Variants in CCDC3 observed in about 807,000 individuals in gnomAD.
CCDC3 encodes coiled-coil domain containing 3, also known as coiled-coil domain-containing protein 3.
In CCDC3, 24 loss-of-function variants were observed where a neutral mutation model predicts 21.4. The ratio of observed to expected loss-of-function variants is 1.12; its 90% CI spans 0.81 to 1.58. CCDC3 has a LOEUF of 1.58. CCDC3 is among the 40% of genes most tolerant of loss of function. CCDC3 has a pLI of 0.00. For synonymous variants in CCDC3, 186 were observed against 166.0 expected (o/e 1.12, Z -0.93); for missense variants, 425 against 360.9 (o/e 1.18, Z -1.44).
intron 2 of CCDC3, among the ~76,000 whole-genome samples, chr10:12,984,187 A>G (rs1355142786): frequency 6.6e-6 from 1 of 152,248 alleles, no homozygotes; most frequent in African/African-American, 2.4e-5. Context: ...CATAATAAAC[A>G]AGGAACTATT....
intron 2 of CCDC3, among the ~76,000 whole-genome samples, chr10:12,963,344 T>A (rs1361763891): frequency 6.6e-6 from 1 of 152,160 alleles, no homozygotes; most frequent in South Asian, 2.1e-4. Context: ...TTCACAATGA[T>A]CCTTTTCACT....
intron 2 of CCDC3, among the ~76,000 whole-genome samples, chr10:12,960,416 G>A (rs1355483147): frequency 6.6e-6 from 1 of 152,050 alleles, no homozygotes; most frequent in African/African-American, 2.4e-5. Context: ...GAGTCCTGGT[G>A]CCCCTGAGGA....
intron 2 of CCDC3, among the ~76,000 whole-genome samples, chr10:12,953,616 T>C (rs945469226): frequency 6.6e-6 from 1 of 152,208 alleles, no homozygotes; most frequent in African/African-American, 2.4e-5. Context: ...TTCTCTGCTG[T>C]GAGTCTTACT....
At chr10:12,947,551 C>T (rs923176969) in intron 2 of CCDC3, among the ~76,000 whole-genome samples, 5 of 152,272 alleles carry the variant, frequency 3.3e-5, no homozygotes, top group South Asian at 2.1e-4. Context: ...GTGACTTTGT[C>T]ACCTCAGCTA....
At chr10:13,079,435 G>A (rs1837006119) in intron 3 of CCDC3, among the ~76,000 whole-genome samples, 1 of 97,866 alleles carries the variant, frequency 1.0e-5, no homozygotes, top group Non-Finnish European at 2.2e-5. Context: ...GGGAACACTG[G>A]AGGAGCCAGT....
At position 13,013,681 on chromosome 10, in the gene CCDC3, A is replaced by G. The variant is rs533761623; in HGVS notation, c.-1-15169T>C. ...TGATAAAACATACCGAGAACACAGC[A>G]TCACCTTGTGATACTCCTGCCAATG... On this transcript the variant is annotated intron_variant, in intron 5 of 6. Transcript: ENST00000378839. Among the ~76,000 whole-genome samples, 204 of 152,354 alleles carry G rather than the reference A, an allele frequency of 1.3e-3. 1 individual carries two copies. Among genetic ancestry groups the G allele is most frequent in the African/African-American group, 4.7e-3 (197 of 41,580 alleles).
chr10:13,043,101 C>T (rs78340982), intron 5 of CCDC3, among the ~76,000 whole-genome samples: 2,407 of 151,882 alleles, frequency 0.016, 52 homozygotes, highest in African/African-American at 0.054. Context: ...TTAGGGGGTA[C>T]ATGTCAGGTT....
At chr10:13,038,230 G>C (rs890204041) in intron 5 of CCDC3, among the ~76,000 whole-genome samples, 1 of 152,102 alleles carries the variant, frequency 6.6e-6, no homozygotes, top group African/African-American at 2.4e-5. Flanking sequence ...TGAGGAGGGA[G>C]AGCATCAGGA....
intron 4 of CCDC3, among the ~76,000 whole-genome samples, chr10:13,055,049 A>C (rs1836663229): frequency 6.6e-6 from 1 of 152,208 alleles, no homozygotes; most frequent in African/African-American, 2.4e-5. Flanking sequence ...GATTGTGGTT[A>C]TGCAGGCAGC....
At chr10:13,001,950 G>GGTCC (rs1321315931), upstream of CCDC3, among the ~76,000 whole-genome samples, 1 of 152,202 alleles carries the variant, frequency 6.6e-6, no homozygotes, top group East Asian at 1.9e-4. Context: ...CGATGGACGT[G>GGTCC]GTCCGAGCTT....
chr10:12,933,825 A>G (rs900453764), intron 2 of CCDC3, among the ~76,000 whole-genome samples: 4 of 152,078 alleles, frequency 2.6e-5, no homozygotes, highest in African/African-American at 7.2e-5. Context: ...TTCATATTTG[A>G]TAGTAAATAA....
chr10:13,048,959 C>T (rs570961654), intron 5 of CCDC3, among the ~76,000 whole-genome samples: 24 of 152,176 alleles, frequency 1.6e-4, no homozygotes, highest in Admixed American at 1.2e-3. Flanking sequence ...GAGTTGGCTA[C>T]ATAGTCATGA....
intron 4 of CCDC3, among the ~76,000 whole-genome samples, chr10:13,072,483 C>G (rs1836895616): frequency 6.6e-6 from 1 of 152,176 alleles, no homozygotes; most frequent in Non-Finnish European, 1.5e-5. Flanking sequence ...GTGTTTACAT[C>G]AGATGCTTCT....
At chr10:12,995,552 T>C (rs368008000) in intron 2 of CCDC3, among the ~76,000 whole-genome samples, 8 of 152,218 alleles carry the variant, frequency 5.3e-5, no homozygotes, top group African/African-American at 1.9e-4. Flanking sequence ...CACAATGGGC[T>C]AATTTTATGT....
At chr10:12,982,500 A>T (rs1035923294) in intron 2 of CCDC3, among the ~76,000 whole-genome samples, 5 of 149,532 alleles carry the variant, frequency 3.3e-5, no homozygotes, top group Non-Finnish European at 7.4e-5. Flanking sequence ...TACCATAATT[A>T]AAAAAAAAAT....
At chr10:12,933,236 T>G (rs1209037520) in intron 2 of CCDC3, among the ~76,000 whole-genome samples, 2 of 152,196 alleles carry the variant, frequency 1.3e-5, no homozygotes, top group African/African-American at 4.8e-5. Flanking sequence ...ACAATTTCTT[T>G]CTTACGTGTT....
At chr10:13,008,665 T>C (rs1175640833) in intron 5 of CCDC3, among the ~76,000 whole-genome samples, 2 of 152,242 alleles carry the variant, frequency 1.3e-5, no homozygotes, top group Non-Finnish European at 2.9e-5. Flanking sequence ...ATCAATATAG[T>C]TGCATGTGAA....
At chr10:12,909,705 G>T (rs1408464008) in intron 2 of CCDC3, among the ~76,000 whole-genome samples, 1 of 152,184 alleles carries the variant, frequency 6.6e-6, no homozygotes, top group Non-Finnish European at 1.5e-5. Flanking sequence ...TAACGGTGCA[G>T]GGTACCAGGT....
chr10:13,039,324 G>C (rs1424578213), intron 5 of CCDC3, among the ~76,000 whole-genome samples: 1 of 151,976 alleles, frequency 6.6e-6, no homozygotes, highest in African/African-American at 2.4e-5. Context: ...TCAGGAGGCT[G>C]AGGCAGGAGA....
Sources: allele counts gnomAD v4.1 joint callset (sites outside exome capture counted in the v4.1 genomes callset), GRCh38; gene constraint gnomAD v4.1.1; transcripts MANE v1.5; gene names NCBI Gene and HGNC (gene_info 2026-07-23, HGNC 2026-07-21).